IL20RB: variants seen among roughly 807,000 people sequenced by gnomAD.
IL20RB encodes the protein interleukin-20 receptor subunit beta.
Under a neutral mutation model 33.3 loss-of-function variants are expected in IL20RB, and 21 were observed. The observed-to-expected ratio is 0.63, with a 90% CI of 0.45 to 0.91. The LOEUF (loss-of-function observed/expected upper bound fraction) is 0.91. IL20RB is among the 40% of genes least tolerant of loss of function. The pLI is 0.00. For missense variants in IL20RB, 345 were observed against 384.8 expected (o/e 0.90, Z 0.86); for synonymous variants, 147 against 146.8 (o/e 1.00, Z -0.01).
intron 1 of IL20RB, among the ~76,000 whole-genome samples, chr3:136,979,409 T>C (rs765746034): frequency 6.6e-6 from 1 of 152,190 alleles, no homozygotes; most frequent in Non-Finnish European, 1.5e-5. Context: ...AAATGAGGAC[T>C]CCAGCCCCAC....
chr3:136,992,261 T>C (rs1317922591), intron 5 of IL20RB, among the ~76,000 whole-genome samples, 173 bp downstream of exon 5: 1 of 152,222 alleles, frequency 6.6e-6, no homozygotes, highest in Non-Finnish European at 1.5e-5. Context: ...CTGATTCCCC[T>C]AGAGGCAGGA....
intron 1 of IL20RB, among the ~76,000 whole-genome samples, chr3:136,974,493 T>G (rs778839392): frequency 6.6e-6 from 1 of 152,202 alleles, no homozygotes; most frequent in Non-Finnish European, 1.5e-5. Context: ...CCTATGCGAT[T>G]TCTGCTGAGA....
chr3:136,979,832 G>A (rs1054694288), intron 1 of IL20RB, among the ~76,000 whole-genome samples: 57 of 152,248 alleles, frequency 3.7e-4, no homozygotes, highest in Non-Finnish European at 6.5e-4. Flanking sequence ...TGAGGGACAT[G>A]AAACGATTGC....
intron 6 of IL20RB, among the ~76,000 whole-genome samples, chr3:137,005,758 T>A (rs1318154426): frequency 2.6e-5 from 4 of 152,172 alleles, no homozygotes; most frequent in African/African-American, 7.2e-5. Flanking sequence ...CATTTAGCCC[T>A]TTTACATTTA....
rs775742103 is a variant in IL20RB at position 136,995,552 on chromosome 3, C to G, written c.821C>G (p.Thr274Ser). The change falls in exon 6 of 7, where the codon ACC becomes AGC. Residue 274 changes from threonine (T) to serine (S), a missense_variant. Coordinates refer to ENST00000329582, the MANE Select transcript of IL20RB (RefSeq NM_144717.4). The stretch of plus-strand genomic sequence containing the variant: ...TGCCCCGTGGTGGTCCTCCCAGACA[C>G]CTTGGTAATAGAGTAGTTCTTTATT... ...SCCPVVVLPD[T>S]LKITNSPQKL... The G allele has an allele frequency of 2.5e-6, 4 of 1,614,104 alleles. No homozygotes were observed. Among genetic ancestry groups the G allele is most frequent in the Non-Finnish European group, 3.4e-6 (4 of 1,180,020 alleles).
At chr3:136,987,143 G>A (rs557321797) in intron 3 of IL20RB, among the ~76,000 whole-genome samples, 365 of 152,214 alleles carry the variant, frequency 2.4e-3, no homozygotes, top group Non-Finnish European at 3.7e-3. Flanking sequence ...TGCCACTGCT[G>A]GCTCGGGCAG....
chr3:136,994,607 C>G (rs1942091827), intron 5 of IL20RB, among the ~76,000 whole-genome samples: 2 of 152,088 alleles, frequency 1.3e-5, no homozygotes, highest in African/African-American at 4.8e-5. Context: ...GTAGCCTGGC[C>G]CAGAGAGGCT....
rs1473711979 is a variant in IL20RB, at chr3:136,980,454, C to T, written c.89-12C>T. 2 of 1,613,998 alleles carry T rather than the reference C, an allele frequency of 1.2e-6. No homozygotes were observed. The highest frequency in any genetic ancestry group is 1.7e-6 in the Non-Finnish European group (2 of 1,180,022). On this transcript the variant is annotated splice_polypyrimidine_tract_variant and intron_variant, in intron 1 of 6. Coordinates refer to ENST00000329582, the MANE Select transcript of IL20RB (RefSeq NM_144717.4). ...GCCCACCTGTCAGCCAGGCTATCTG[C>T]CTTGATCCTAGATGAAGTGGCCATT... is the stretch of plus-strand genomic sequence containing the variant.
rs1249132622 is a variant in IL20RB at position 136,980,519 on chromosome 3, A to G, written c.142A>G (p.Met48Val). 3.1e-6 allele frequency: 5 copies of G among 1,614,188 alleles called. No individual in the cohort carries two copies. Among genetic ancestry groups the G allele is most frequent in the South Asian group, 1.1e-5 (1 of 91,088 alleles). ...GAACCTCTCTGTACTCTCAACCAAC[A>G]TGAAGCATCTCTTGATGTGGAGCCC... ...PQNLSVLSTN[M>V]KHLLMWSPVI... Residue 48 changes from methionine (M) to valine (V), a missense_variant, in exon 2 of 7, where the codon ATG (methionine) becomes GTG (valine). Met to Val is a conservative substitution (Grantham distance 21, BLOSUM62 1). Transcript: ENST00000329582.
chr3:136,973,929 C>A (rs1941553448), intron 1 of IL20RB, among the ~76,000 whole-genome samples: 1 of 151,958 alleles, frequency 6.6e-6, no homozygotes, highest in Admixed American at 6.6e-5. Flanking sequence ...ATTTTTCCAT[C>A]CCTTTTAGTC....
chr3:136,982,816 C>T (rs1941809954), intron 3 of IL20RB, among the ~76,000 whole-genome samples: 1 of 152,148 alleles, frequency 6.6e-6, no homozygotes, highest in African/African-American at 2.4e-5. Flanking sequence ...GTAATGACTT[C>T]TGTGGGAAAT....
intron 1 of IL20RB, among the ~76,000 whole-genome samples, chr3:136,970,898 C>T (rs371082725): frequency 4.0e-5 from 6 of 151,890 alleles, no homozygotes; most frequent in Non-Finnish European, 7.4e-5. Flanking sequence ...GTGATCCGCC[C>T]GGCTCGGCCT....
chr3:137,007,028 C>T (rs1942363169), intron 6 of IL20RB, among the ~76,000 whole-genome samples: 1 of 152,226 alleles, frequency 6.6e-6, no homozygotes, highest in Non-Finnish European at 1.5e-5. Flanking sequence ...AGTCAGGTCC[C>T]TCAGCTGCAG....
chr3:136,959,947 C>G (rs927289170), intron 1 of IL20RB, among the ~76,000 whole-genome samples: 15 of 152,080 alleles, frequency 9.9e-5, no homozygotes, highest in Non-Finnish European at 2.1e-4. Context: ...TCCCCACCCT[C>G]AAATGTTAGT....
chr3:136,959,949 A>G (rs2108167893), intron 1 of IL20RB, among the ~76,000 whole-genome samples: 1 of 152,226 alleles, frequency 6.6e-6, no homozygotes, highest in South Asian at 2.1e-4. Flanking sequence ...CCCACCCTCA[A>G]ATGTTAGTTA....
At position 137,010,429 on chromosome 3, in the gene IL20RB, C is replaced by T; in HGVS notation, c.*206C>T. On this transcript the variant is annotated 3_prime_UTR_variant, in exon 7 of 7. Transcript: ENST00000329582. The stretch of plus-strand genomic sequence containing the variant: ...GACTGAGGCTTAGGGGATGTGACCT[C>T]TAGACTGGGGGCTGCCACTTGCTGG... 4.1e-6 allele frequency: 2 copies of T among 484,934 alleles called. No homozygotes were observed. The highest frequency in any genetic ancestry group is 3.6e-5 in the South Asian group (1 of 27,598). 30.0% of individuals were successfully genotyped at this position (484,934 alleles called of 1,614,324 possible).
intron 6 of IL20RB, among the ~76,000 whole-genome samples, chr3:137,003,591 G>A (rs1395921280): frequency 6.6e-6 from 1 of 152,176 alleles, no homozygotes; most frequent in Non-Finnish European, 1.5e-5. Flanking sequence ...GTATAGGAAT[G>A]CTTGTGAGTT....
chr3:137,009,918 A>T (rs1933038394), intron 6 of IL20RB, among the ~76,000 whole-genome samples, 195 bp from the exon 7 acceptor site: 1 of 151,896 alleles, frequency 6.6e-6, no homozygotes, highest in Non-Finnish European at 1.5e-5. Flanking sequence ...GCTTCAAGGG[A>T]ACTGTAGGGT....
At chr3:136,974,012 A>C (rs1941555617) in intron 1 of IL20RB, among the ~76,000 whole-genome samples, 1 of 151,988 alleles carries the variant, frequency 6.6e-6, no homozygotes, top group Non-Finnish European at 1.5e-5. Flanking sequence ...TTATTTATTC[A>C]GCCATTTTAT....
Sources: allele counts gnomAD v4.1 joint callset (sites outside exome capture counted in the v4.1 genomes callset), GRCh38; gene constraint gnomAD v4.1.1; transcripts MANE v1.5; gene names NCBI Gene and HGNC (gene_info 2026-07-23, HGNC 2026-07-21).